THSD4: variants seen among roughly 807,000 people sequenced by gnomAD.
THSD4 encodes thrombospondin type-1 domain-containing protein 4.
A neutral mutation model predicts 119.0 loss-of-function variants in THSD4; 69 were observed. The observed-to-expected ratio is 0.58, with a 90% confidence interval of 0.48 to 0.71. The LOEUF (loss-of-function observed/expected upper bound fraction) is 0.71. THSD4 is among the 30% of genes least tolerant of loss of function. The pLI is 0.00. For missense variants in THSD4, 1,393 were observed against 1,391.1 expected, an observed-to-expected ratio of 1.00 and a Z score of -0.02; for synonymous variants, 524 against 540.4, an observed-to-expected ratio of 0.97 and a Z score of 0.42.
chr15:71,677,204 C>A (rs2051670346), intron 8 of THSD4, among the ~76,000 whole-genome samples: 1 of 152,224 alleles, frequency 6.6e-6, no homozygotes, highest in Non-Finnish European at 1.5e-5. Flanking sequence ...TTGTTACCTG[C>A]TGCAGGTCAT....
intron 7 of THSD4, among the ~76,000 whole-genome samples, chr15:71,607,206 G>A (rs2050126370): frequency 6.6e-6 from 1 of 152,164 alleles, no homozygotes; most frequent in African/African-American, 2.4e-5. Flanking sequence ...TCACAGGAGA[G>A]GTGGAATTTT....
chr15:71,122,312 A>T (rs1159296821), intron 1 of THSD4, among the ~76,000 whole-genome samples: 1 of 152,200 alleles, frequency 6.6e-6, no homozygotes, highest in Non-Finnish European at 1.5e-5. Context: ...TACAGCTAGA[A>T]AACTGAGGCT....
intron 7 of THSD4, among the ~76,000 whole-genome samples, chr15:71,509,960 A>G (rs1295158993): frequency 6.6e-6 from 1 of 152,192 alleles, no homozygotes; most frequent in Non-Finnish European, 1.5e-5. Flanking sequence ...ACTATTGTCG[A>G]TATTTTTAAA....
intron 1 of THSD4, among the ~76,000 whole-genome samples, chr15:71,119,791 A>G (rs2040394097): frequency 6.6e-6 from 1 of 151,928 alleles, no homozygotes; most frequent in African/African-American, 2.4e-5. Flanking sequence ...GGTGAGTTGA[A>G]CCTCCTTTCC....
chr15:71,580,861 A>G (rs1359651951), intron 7 of THSD4, among the ~76,000 whole-genome samples: 1 of 152,078 alleles, frequency 6.6e-6, no homozygotes, highest in Non-Finnish European at 1.5e-5. Context: ...CATTATATAC[A>G]TATATATGTG....
At chr15:71,192,885 C>T (rs918261967) in intron 3 of THSD4, among the ~76,000 whole-genome samples, 3 of 152,166 alleles carry the variant, frequency 2.0e-5, no homozygotes, top group African/African-American at 7.2e-5. Flanking sequence ...CTCTGCACAG[C>T]TGTAATCTCT....
Position 71,193,876 on chromosome 15 carries a change from A to G in THSD4, c.100-21159A>G, listed in dbSNP as rs186782477. Reference sequence around the variant, plus strand: ...CAGGCGCCCGCCGCCACGCCCAGCTAATTTTTTTGTATTTTTAGTAGAGAC... The same window carrying G: ...CAGGCGCCCGCCGCCACGCCCAGCTGATTTTTTTGTATTTTTAGTAGAGAC... On this transcript the variant is annotated intron_variant, in intron 3 of 17. Coordinates refer to ENST00000261862, the MANE Select transcript of THSD4 (RefSeq NM_024817.3). Among the ~76,000 whole-genome samples the G allele has an allele frequency of 4.3e-3, 652 of 152,010 alleles. 5 individuals are homozygous for G. The highest frequency in any genetic ancestry group is 0.016 in the African/African-American group (644 of 41,480).
chr15:71,120,709 G>C (rs967024584), intron 1 of THSD4, among the ~76,000 whole-genome samples: 2 of 152,128 alleles, frequency 1.3e-5, no homozygotes, highest in African/African-American at 4.8e-5. Flanking sequence ...CTGGGAGCTC[G>C]TCATGACCTG....
At chr15:71,415,931 G>A (rs552780305) in intron 7 of THSD4, among the ~76,000 whole-genome samples, 19 of 152,178 alleles carry the variant, frequency 1.2e-4, no homozygotes, top group African/African-American at 4.3e-4. Context: ...TGAGTAGCTG[G>A]GATTACAGAC....
At chr15:71,647,957 C>T (rs935701639) in intron 7 of THSD4, among the ~76,000 whole-genome samples, 1 of 152,108 alleles carries the variant, frequency 6.6e-6, no homozygotes, top group African/African-American at 2.4e-5. Flanking sequence ...CCGAGAGCAG[C>T]CTGAGAGATA....
At chr15:71,182,577 C>T (rs557586219) in intron 3 of THSD4, among the ~76,000 whole-genome samples, 3 of 151,844 alleles carry the variant, frequency 2.0e-5, no homozygotes, top group African/African-American at 7.2e-5. Flanking sequence ...TTTTAAATAA[C>T]TTCTAAATTC....
intron 7 of THSD4, among the ~76,000 whole-genome samples, chr15:71,503,835 C>T (rs2048150325): frequency 1.3e-5 from 2 of 152,320 alleles, no homozygotes; most frequent in South Asian, 4.1e-4. Flanking sequence ...AAAAGAGGCA[C>T]TGAATCCACT....
At chr15:71,670,618 G>A (rs2051505537) in intron 8 of THSD4, among the ~76,000 whole-genome samples, 1 of 151,566 alleles carries the variant, frequency 6.6e-6, no homozygotes, top group Admixed American at 6.6e-5. Context: ...ATTTACATTA[G>A]GTATATCTCC....
intron 6 of THSD4, among the ~76,000 whole-genome samples, chr15:71,259,418 T>C (rs1042621716): frequency 6.6e-6 from 1 of 152,180 alleles, no homozygotes; most frequent in East Asian, 1.9e-4. Context: ...AGGAAACTAA[T>C]ACAAAGAAGA....
chr15:71,651,742 A>G (rs2051094411), intron 7 of THSD4, among the ~76,000 whole-genome samples: 1 of 152,156 alleles, frequency 6.6e-6, no homozygotes. Context: ...GTAAATATGC[A>G]GTCAGCCTGC....
intron 7 of THSD4, among the ~76,000 whole-genome samples, chr15:71,503,775 A>G (rs1442561828): frequency 6.6e-6 from 1 of 152,144 alleles, no homozygotes; most frequent in African/African-American, 2.4e-5. Context: ...TTGTTGGCCT[A>G]ATGTATTGGC....
At chr15:71,164,615 G>A (rs1164279298) in intron 3 of THSD4, among the ~76,000 whole-genome samples, 1 of 151,974 alleles carries the variant, frequency 6.6e-6, no homozygotes, top group East Asian at 1.9e-4. Context: ...GACACATTCG[G>A]TAGTGTGTTA....
chr15:71,713,449 C>T (rs1290984358), intron 8 of THSD4, among the ~76,000 whole-genome samples: 1 of 152,178 alleles, frequency 6.6e-6, no homozygotes, highest in African/African-American at 2.4e-5. Flanking sequence ...CAGCTGTTGC[C>T]CCTTGGGGTT....
intron 17 of THSD4, among the ~76,000 whole-genome samples, chr15:71,773,823 T>C (rs1180794787): frequency 6.6e-6 from 1 of 152,208 alleles, no homozygotes; most frequent in Non-Finnish European, 1.5e-5. Flanking sequence ...GTTGTCAGCT[T>C]TTTGAAATCT....
Sources: allele counts gnomAD v4.1 joint callset (sites outside exome capture counted in the v4.1 genomes callset), GRCh38; gene constraint gnomAD v4.1.1; transcripts MANE v1.5; gene names NCBI Gene and HGNC (gene_info 2026-07-23, HGNC 2026-07-21).